CNTN5: variants seen among roughly 807,000 people sequenced by gnomAD.
CNTN5 encodes contactin-5.
In CNTN5, 77 loss-of-function variants were observed where a neutral mutation model predicts 129.1. The ratio of observed to expected loss-of-function variants is 0.60; its 90% CI spans 0.50 to 0.72. The LOEUF (loss-of-function observed/expected upper bound fraction) is 0.72, where lower values mean the gene tolerates loss of function less well. Among genes scored for constraint, CNTN5 ranks in the 30% least tolerant of loss-of-function variants. The pLI is 0.00. For missense variants in CNTN5, 1,478 were observed against 1,328.8 expected (o/e 1.11, Z -1.75); for synonymous variants, 509 against 465.6 (o/e 1.09, Z -1.20).
rs144289522 is a variant in CNTN5, at chr11:99,056,051, C to T, written c.-210+34781C>T. Among the ~76,000 whole-genome samples, 1,022 of 152,028 alleles carry T rather than the reference C, an allele frequency of 6.7e-3. 14 individuals carry two copies. The highest frequency in any genetic ancestry group is 0.023 in the African/African-American group (973 of 41,494). ...CTCATTGCAGTATTTTCCTGTTTCA[C>T]GCTCCAGTAACATGGATATGGGCGG... On this transcript the variant is annotated intron_variant, in intron 1 of 24. Coordinates refer to ENST00000524871, the MANE Select transcript of CNTN5 (RefSeq NM_014361.4).
chr11:100,071,666 G>T (rs199931132), intron 11 of CNTN5, 39 bp from the exon 12 acceptor site: 242 of 1,468,816 alleles, frequency 1.6e-4, no homozygotes, highest in Non-Finnish European at 2.2e-4. Flanking sequence ...CATGTTATTT[G>T]TTTACTTTCT....
chr11:100,093,482 G>A lies in CNTN5; in HGVS notation c.1580+19188G>A, dbSNP rs556402383. Among the ~76,000 whole-genome samples, 13 of 151,878 alleles carry A rather than the reference G, an allele frequency of 8.6e-5. No homozygotes were observed. The South Asian group carries it at 2.1e-3, about 24-fold the overall frequency. On this transcript the variant is annotated intron_variant, in intron 13 of 24. Transcript: ENST00000524871. ...AGGTCTTGCTATGTTTCTCAAATAG[G>A]TCTCAAGCTCCTGGCCTCAAGTGGT...
chr11:99,724,999 G>T (rs1943291177), intron 3 of CNTN5, among the ~76,000 whole-genome samples: 1 of 152,182 alleles, frequency 6.6e-6, no homozygotes, highest in Admixed American at 6.5e-5. Flanking sequence ...TTGCTTTTGA[G>T]ATTAAGTAGA....
chr11:99,148,908 T>C (rs1859915068), intron 1 of CNTN5, among the ~76,000 whole-genome samples: 1 of 152,138 alleles, frequency 6.6e-6, no homozygotes, highest in Admixed American at 6.6e-5. Context: ...ATTCACAACT[T>C]TCTACTTCTC....
At chr11:100,237,608 A>C (rs952926406) in intron 16 of CNTN5, among the ~76,000 whole-genome samples, 1 of 152,220 alleles carries the variant, frequency 6.6e-6, no homozygotes, top group Non-Finnish European at 1.5e-5. Flanking sequence ...AAAGACGATT[A>C]GCTCTCTAAT....
intron 2 of CNTN5, among the ~76,000 whole-genome samples, chr11:99,370,245 C>A (rs1231102328): frequency 6.6e-6 from 1 of 152,132 alleles, no homozygotes; most frequent in Non-Finnish European, 1.5e-5. Context: ...TTCCTGTACA[C>A]AATAGGTTAT....
rs376439919 is a variant in CNTN5 at position 99,407,082 on chromosome 11, C to T, written c.-71+81598C>T. ...GAGTACCTAACATGAAAGAAAAAGT[C>T]CACTTTACTTTTTTCCCTCTGATTT... On this transcript the variant is annotated intron_variant, in intron 2 of 24. Transcript: ENST00000524871. Among the ~76,000 whole-genome samples the T allele has an allele frequency of 3.5e-4, 53 of 152,216 alleles. 1 individual carries two copies. The Middle Eastern group carries it at 0.014, about 39-fold the overall frequency.
intron 6 of CNTN5, among the ~76,000 whole-genome samples, chr11:99,847,168 T>C (rs1204041425): frequency 6.6e-6 from 1 of 152,240 alleles, no homozygotes; most frequent in Non-Finnish European, 1.5e-5. Context: ...TGTATGTCAG[T>C]TGTTTTTCCC....
At chr11:99,833,185 G>T (rs916313956) in intron 4 of CNTN5, among the ~76,000 whole-genome samples, 1 of 152,162 alleles carries the variant, frequency 6.6e-6, no homozygotes, top group Non-Finnish European at 1.5e-5. Context: ...AAGTTATAAA[G>T]TTAGTATCTG....
chr11:100,160,788 C>A (rs1456522824), intron 13 of CNTN5, among the ~76,000 whole-genome samples: 1 of 151,814 alleles, frequency 6.6e-6, no homozygotes, highest in Admixed American at 6.6e-5. Context: ...TTCATTACTT[C>A]ATTCAATCTT....
intron 1 of CNTN5, among the ~76,000 whole-genome samples, chr11:99,068,247 A>G (rs1865185442): frequency 6.6e-6 from 1 of 152,198 alleles, no homozygotes; most frequent in Admixed American, 6.6e-5. Context: ...ATCTCCTACA[A>G]GAAACAAAGA....
intron 1 of CNTN5, among the ~76,000 whole-genome samples, chr11:99,308,466 G>A (rs995837695): frequency 2.0e-5 from 3 of 152,132 alleles, no homozygotes; most frequent in African/African-American, 4.8e-5. Flanking sequence ...TTTTATATTG[G>A]AATGTGATAA....
chr11:100,202,852 G>A lies in CNTN5; in HGVS notation c.1884+9189G>A, dbSNP rs955779977. 3.3e-5 allele frequency among the ~76,000 whole-genome samples: 5 copies of A among 151,860 alleles called. No homozygotes were observed. In the South Asian group the frequency reaches 1.0e-3, roughly 31 times the overall value. ...ACCTGAGCAACACAGGCCCATTTAC[G>A]CAACAGCCCCCATCATCACTTGGGC... is the stretch of plus-strand genomic sequence containing the variant. On this transcript the variant is annotated intron_variant, in intron 15 of 24. Coordinates refer to ENST00000524871, the MANE Select transcript of CNTN5 (RefSeq NM_014361.4).
In CNTN5 at chr11:99,295,642, C is replaced by T. The variant is rs185169798; in HGVS notation, c.-209-29704C>T. The stretch of plus-strand genomic sequence containing the variant: ...CTGTAATCCCAGCACTTTGGGAGGC[C>T]GAGGCGGGTGGATCATGAGGTCAGG... On this transcript the variant is annotated intron_variant, in intron 1 of 24. Transcript: ENST00000524871. Among the ~76,000 whole-genome samples the T allele has an allele frequency of 6.1e-3, 912 of 150,722 alleles. 5 individuals carry two copies. Among genetic ancestry groups the T allele is most frequent in the African/African-American group, 0.013 (536 of 41,004 alleles).
intron 2 of CNTN5, among the ~76,000 whole-genome samples, chr11:99,359,875 C>G (rs1327535586): frequency 6.6e-6 from 1 of 151,852 alleles, no homozygotes; most frequent in East Asian, 1.9e-4. Flanking sequence ...GTAACTGAAA[C>G]CAAGTATATA....
At chr11:99,965,695 GT>G (rs1951075607) in intron 8 of CNTN5, among the ~76,000 whole-genome samples, 1 of 152,124 alleles carries the variant, frequency 6.6e-6, no homozygotes, top group South Asian at 2.1e-4. Flanking sequence ...GCAGAGCTGA[GT>G]TCAATTCCTG....
At chr11:99,122,915 A>T (rs570065172) in intron 1 of CNTN5, among the ~76,000 whole-genome samples, 27 of 152,188 alleles carry the variant, frequency 1.8e-4, no homozygotes, top group African/African-American at 5.8e-4. Context: ...CATGGTGTAT[A>T]TGCATCATAT....
At chr11:99,317,571 C>G (rs1352980187) in intron 1 of CNTN5, among the ~76,000 whole-genome samples, 3 of 151,968 alleles carry the variant, frequency 2.0e-5, no homozygotes, top group Admixed American at 2.0e-4. Context: ...CAAGGTGATT[C>G]TTGGCACATA....
intron 1 of CNTN5, among the ~76,000 whole-genome samples, chr11:99,251,121 A>C (rs536859978): frequency 8.1e-4 from 123 of 152,080 alleles, no homozygotes; most frequent in Non-Finnish European, 1.4e-3. Context: ...ATTGCCATTC[A>C]CCTTTGTGTT....
Sources: gnomAD v4.1 joint callset for allele counts (sites outside exome capture counted in the v4.1 genomes callset) on GRCh38, gnomAD v4.1.1 for gene constraint, MANE v1.5 for transcripts, NCBI Gene and HGNC (gene_info 2026-07-23, HGNC 2026-07-21) for gene names.